Variants in ODAD2 observed in about 807,000 individuals in gnomAD.
ODAD2 encodes the protein outer dynein arm-docking complex subunit 2.
A neutral mutation model predicts 106.8 loss-of-function variants in ODAD2; 89 were observed. That is an observed-to-expected ratio of 0.83 (90% confidence interval 0.70 to 0.99). The LOEUF (loss-of-function observed/expected upper bound fraction) is 0.99, where lower values mean the gene tolerates loss of function less well. ODAD2 is among the 50% of genes least tolerant of loss of function. ODAD2 has a pLI of 0.00. For missense variants in ODAD2, 1,168 were observed against 1,238.5 expected (o/e 0.94, Z 0.85); for synonymous variants, 404 against 436.2 (o/e 0.93, Z 0.92).
chr10:27,947,359 G>A (rs1482092372), intron 10 of ODAD2, among the ~76,000 whole-genome samples: 1 of 152,090 alleles, frequency 6.6e-6, no homozygotes, highest in Non-Finnish European at 1.5e-5. Context: ...CAGCTACTCA[G>A]AAGGCTGAGG....
intron 17 of ODAD2, among the ~76,000 whole-genome samples, chr10:27,893,406 G>T (rs963272592): frequency 6.6e-6 from 1 of 152,118 alleles, no homozygotes; most frequent in African/African-American, 2.4e-5. Context: ...GTTTCATGAC[G>T]CCTGACAGAC....
At chr10:27,877,268 G>C (rs549163221) in intron 17 of ODAD2, among the ~76,000 whole-genome samples, 2 of 152,124 alleles carry the variant, frequency 1.3e-5, no homozygotes, top group African/African-American at 2.4e-5. Flanking sequence ...TTCATCAGTA[G>C]AGACAATCAG....
chr10:27,824,000 C>T lies in ODAD2; in HGVS notation c.3022-11375G>A, dbSNP rs1166510107. 2.2e-5 allele frequency among the ~76,000 whole-genome samples: 3 copies of T among 138,010 alleles called. 1 individual carries two copies. The highest frequency in any genetic ancestry group is 4.5e-4 in the East Asian group (2 of 4,456). 90.5% of individuals were successfully genotyped at this position (138,010 alleles called of 152,430 possible). On this transcript the variant is annotated intron_variant, in intron 19 of 19. Transcript: ENST00000305242. ...CTAAAAATACAAAAAATTAGCCGGG[C>T]GAGGTGGCGGGCGCCTGTAGTCCCA... is the stretch of plus-strand genomic sequence containing the variant.
chr10:27,855,760 A>C (rs1334536324), intron 19 of ODAD2, among the ~76,000 whole-genome samples: 3 of 152,280 alleles, frequency 2.0e-5, no homozygotes, highest in Non-Finnish European at 4.4e-5. Context: ...TGTTGGCTGT[A>C]CCAATTCAGC....
chr10:27,931,247 T>C (rs144838468), intron 16 of ODAD2, among the ~76,000 whole-genome samples: 2 of 152,334 alleles, frequency 1.3e-5, no homozygotes, highest in African/African-American at 4.8e-5. Flanking sequence ...TATGGGTCAA[T>C]AATTCATAGC....
chr10:27,903,339 T>C (rs1367785919), intron 17 of ODAD2, among the ~76,000 whole-genome samples: 1 of 152,146 alleles, frequency 6.6e-6, no homozygotes, highest in East Asian at 1.9e-4. Flanking sequence ...CCACAGCCAA[T>C]ATCATACTGA....
chr10:27,996,349 T>C (rs1339902734), intron 1 of ODAD2, among the ~76,000 whole-genome samples: 1 of 152,208 alleles, frequency 6.6e-6, no homozygotes, highest in Non-Finnish European at 1.5e-5. Context: ...GAACTATCTA[T>C]TAAATTCAAT....
At chr10:27,867,610 A>C (rs1375262015) in intron 17 of ODAD2, among the ~76,000 whole-genome samples, 1 of 152,180 alleles carries the variant, frequency 6.6e-6, no homozygotes, top group Admixed American at 6.6e-5. Context: ...GTGCCATCCT[A>C]GTCCACATCT....
chr10:27,867,577 T>C (rs1244919421), intron 17 of ODAD2, among the ~76,000 whole-genome samples: 1 of 152,126 alleles, frequency 6.6e-6, no homozygotes, highest in Admixed American at 6.6e-5. Flanking sequence ...GACAATGGAA[T>C]CCTGGGAATC....
intron 16 of ODAD2, among the ~76,000 whole-genome samples, chr10:27,920,861 G>GAA (rs201906114): frequency 6.4e-5 from 9 of 141,066 alleles, no homozygotes; most frequent in Admixed American, 3.5e-4. Context: ...TGTAAAAACT[G>GAA]AAAAAAAAAA....
At chr10:27,989,159 C>G (rs1309510868) in intron 2 of ODAD2, among the ~76,000 whole-genome samples, 2 of 152,080 alleles carry the variant, frequency 1.3e-5, no homozygotes, top group African/African-American at 4.8e-5. Context: ...GACTTCTGAC[C>G]TCTAGAACTG....
rs775736625 is a variant in ODAD2 at position 27,860,945 on chromosome 10, G to A, written c.2800-99C>T. 172 of 1,011,394 alleles carry A rather than the reference G, an allele frequency of 1.7e-4. 1 individual carries two copies. Among genetic ancestry groups the A allele is most frequent in the Non-Finnish European group, 2.4e-4 (163 of 670,168 alleles). 62.7% of individuals were successfully genotyped at this position (1,011,394 alleles called of 1,614,324 possible). On this transcript the variant is annotated intron_variant, in intron 18 of 19. Coordinates refer to ENST00000305242, the MANE Select transcript of ODAD2 (RefSeq NM_018076.5). ...GTTTATTAACCATTAAGACACCAAT[G>A]AGTCTAGAGAAAAGGGCTAGCTGGC...
intron 17 of ODAD2, among the ~76,000 whole-genome samples, chr10:27,870,999 C>T (rs1283532435): frequency 6.6e-6 from 1 of 152,202 alleles, no homozygotes; most frequent in African/African-American, 2.4e-5. Flanking sequence ...TATTTCTCTA[C>T]ATCCTCTCCA....
At chr10:27,908,332 A>G (rs1269162047) in intron 16 of ODAD2, among the ~76,000 whole-genome samples, 1 of 152,178 alleles carries the variant, frequency 6.6e-6, no homozygotes, top group Non-Finnish European at 1.5e-5. Context: ...CAAGACTAAC[A>G]TTGCAGACTG....
At chr10:27,962,358 G>A (rs1238611571) in intron 9 of ODAD2, among the ~76,000 whole-genome samples, 4 of 152,154 alleles carry the variant, frequency 2.6e-5, no homozygotes, top group African/African-American at 4.8e-5. Flanking sequence ...AATGGCCCAC[G>A]TGCCTCGTGG....
chr10:27,929,730 T>C lies in ODAD2; in HGVS notation c.2495+5280A>G, dbSNP rs563829002. Among the ~76,000 whole-genome samples the C allele has an allele frequency of 4.7e-4, 71 of 152,298 alleles. 1 individual carries two copies. Among genetic ancestry groups the C allele is most frequent in the Non-Finnish European group, 7.2e-4 (49 of 68,002 alleles). On this transcript the variant is annotated intron_variant, in intron 16 of 19. Transcript: ENST00000305242. ...ATTCTCAGGCAATATTTTTTCTCTC[T>C]CAGGATGTTTTAATCAATGGCTTGT... is the stretch of plus-strand genomic sequence containing the variant.
intron 19 of ODAD2, chr10:27,853,345 C>T (rs999985216): frequency 1.4e-5 from 4 of 280,918 alleles, no homozygotes; most frequent in Non-Finnish European, 2.8e-5. Flanking sequence ...TCTAGCCTGG[C>T]GACATGGCGA....
intron 16 of ODAD2, among the ~76,000 whole-genome samples, chr10:27,913,001 C>G (rs559858662): frequency 3.9e-5 from 6 of 152,218 alleles, no homozygotes; most frequent in South Asian, 4.2e-4. Context: ...ATAAGTATGT[C>G]AGAAATTCTT....
At chr10:27,929,152 C>A (rs920529344) in intron 16 of ODAD2, among the ~76,000 whole-genome samples, 7 of 151,970 alleles carry the variant, frequency 4.6e-5, no homozygotes, top group African/African-American at 1.7e-4. Context: ...ACAAATGACC[C>A]CAAAATCCTA....
Sources: allele counts gnomAD v4.1 joint callset (sites outside exome capture counted in the v4.1 genomes callset), GRCh38; gene constraint gnomAD v4.1.1; transcripts MANE v1.5; gene names NCBI Gene and HGNC (gene_info 2026-07-23, HGNC 2026-07-21).